Variants in AIG1 observed in about 807,000 individuals in gnomAD.
The protein encoded by AIG1 is androgen induced 1, also known as androgen-induced gene 1 protein.
AIG1 carries 23 observed loss-of-function variants against 31.4 expected under a neutral mutation model. The ratio of observed to expected loss-of-function variants is 0.73; its 90% confidence interval spans 0.53 to 1.04. The LOEUF (loss-of-function observed/expected upper bound fraction) is 1.04, where lower values mean the gene tolerates loss of function less well. AIG1 is among the 50% of genes least tolerant of loss of function. AIG1 has a pLI of 0.00. For synonymous variants in AIG1, 100 were observed against 110.5 expected (o/e 0.90, Z 0.60); for missense variants, 274 against 295.0 (o/e 0.93, Z 0.52).
At chr6:143,121,408 A>G (rs990352811) in intron 1 of AIG1, among the ~76,000 whole-genome samples, 6 of 152,232 alleles carry the variant, frequency 3.9e-5, no homozygotes, top group African/African-American at 1.4e-4. Flanking sequence ...TATATTTTTC[A>G]AAGTGCCTGA....
At chr6:143,123,115 G>A (rs1021253939) in intron 1 of AIG1, among the ~76,000 whole-genome samples, 5 of 151,994 alleles carry the variant, frequency 3.3e-5, no homozygotes, top group Admixed American at 6.6e-5. Context: ...GGGGCCCTCC[G>A]CATTTCCTGG....
intron 3 of AIG1, among the ~76,000 whole-genome samples, chr6:143,257,889 A>C (rs1405142210): frequency 2.0e-5 from 3 of 152,158 alleles, no homozygotes; most frequent in Non-Finnish European, 2.9e-5. Flanking sequence ...AAAAGTATGC[A>C]CTTGAGTGAG....
At chr6:143,304,219 C>T (rs1408154034) in intron 4 of AIG1, among the ~76,000 whole-genome samples, 2 of 151,570 alleles carry the variant, frequency 1.3e-5, no homozygotes, top group Non-Finnish European at 2.9e-5. Context: ...CCCTTTATTT[C>T]CTTCTCCTGC....
At chr6:143,115,226 G>A (rs1258579581) in intron 1 of AIG1, among the ~76,000 whole-genome samples, 2 of 152,114 alleles carry the variant, frequency 1.3e-5, no homozygotes, top group African/African-American at 2.4e-5. Flanking sequence ...TAGAATGATT[G>A]GTCAAAATGT....
intron 2 of AIG1, among the ~76,000 whole-genome samples, chr6:143,143,714 G>A (rs1191349476): frequency 1.3e-5 from 2 of 151,374 alleles, no homozygotes; most frequent in African/African-American, 4.9e-5. Context: ...AAGTACATCA[G>A]CTAGGTCATG....
intron 3 of AIG1, among the ~76,000 whole-genome samples, chr6:143,283,885 A>G (rs1237027988): frequency 6.6e-6 from 1 of 152,238 alleles, no homozygotes; most frequent in Non-Finnish European, 1.5e-5. Flanking sequence ...ATGGGCATAA[A>G]ATACAATAAA....
At chr6:143,071,946 G>A (rs958885851) in intron 1 of AIG1, among the ~76,000 whole-genome samples, 4 of 150,880 alleles carry the variant, frequency 2.7e-5, no homozygotes, top group African/African-American at 9.7e-5. Flanking sequence ...ACCGTGCCCA[G>A]ATTGTTTTTT....
In AIG1 at chr6:143,060,938, C is replaced by A. The variant is rs763119913; in HGVS notation, c.13C>A (p.Pro5Thr). The change falls in exon 1 of 6, where the codon CCC (proline) becomes ACC (threonine). Residue 5 changes from proline (P) to threonine (T), a missense_variant. Physicochemically the swap from Pro to Thr is conservative, Grantham distance 38. Transcript: ENST00000357847. MALV[P>T]CQVLRMAILL... ...GCCTCTGGCGAACATGGCGCTTGTC[C>A]CCTGCCAGGTGCTGCGGATGGCAAT... The A allele has an allele frequency of 6.2e-7, 1 of 1,610,372 alleles. No individual in the cohort carries two copies. The highest frequency in any genetic ancestry group is 1.3e-5 in the African/African-American group (1 of 74,780).
At chr6:143,161,926 A>G (rs1370939779) in intron 2 of AIG1, among the ~76,000 whole-genome samples, 1 of 152,160 alleles carries the variant, frequency 6.6e-6, no homozygotes, top group Non-Finnish European at 1.5e-5. Flanking sequence ...TCTATTCAAC[A>G]TATTGCTGCA....
chr6:143,316,412 A>G (rs534985312), intron 4 of AIG1, among the ~76,000 whole-genome samples: 2 of 152,238 alleles, frequency 1.3e-5, no homozygotes, highest in South Asian at 2.1e-4. Context: ...AGGAGGCCAA[A>G]GATAGGACAC....
At chr6:143,188,309 T>C (rs772905031) in intron 3 of AIG1, 3 of 986,070 alleles carry the variant, frequency 3.0e-6, no homozygotes, top group Non-Finnish European at 3.6e-6. Context: ...TGACACCAGT[T>C]GTTGCTATAC....
At chr6:143,273,335 A>T (rs1206539799) in intron 3 of AIG1, among the ~76,000 whole-genome samples, 2 of 152,168 alleles carry the variant, frequency 1.3e-5, no homozygotes, top group Non-Finnish European at 2.9e-5. Flanking sequence ...GAGTGCTGTG[A>T]ATGATGTTTC....
chr6:143,098,057 C>G (rs1466214077), intron 1 of AIG1, among the ~76,000 whole-genome samples: 1 of 152,186 alleles, frequency 6.6e-6, no homozygotes, highest in African/African-American at 2.4e-5. Context: ...CATCTCTCAT[C>G]TTACACGAAA....
intron 3 of AIG1, among the ~76,000 whole-genome samples, chr6:143,263,260 C>T (rs1003259610): frequency 3.2e-4 from 46 of 145,282 alleles, no homozygotes; most frequent in African/African-American, 1.2e-3. Context: ...TTTTCTATAT[C>T]CTAGTCCTTT....
At chr6:143,261,172 C>T (rs934573930) in intron 3 of AIG1, among the ~76,000 whole-genome samples, 4 of 152,126 alleles carry the variant, frequency 2.6e-5, no homozygotes, top group South Asian at 2.1e-4. Flanking sequence ...CCCTCTGTCA[C>T]TCAGGCTGGA....
intron 1 of AIG1, among the ~76,000 whole-genome samples, chr6:143,113,385 A>G (rs1781457250): frequency 1.3e-5 from 2 of 151,976 alleles, no homozygotes; most frequent in Admixed American, 1.3e-4. Flanking sequence ...TGGGCGGATC[A>G]CGAGGTCAGG....
At chr6:143,152,620 C>G (rs1413737582) in intron 2 of AIG1, among the ~76,000 whole-genome samples, 1 of 152,130 alleles carries the variant, frequency 6.6e-6, no homozygotes, top group Non-Finnish European at 1.5e-5. Flanking sequence ...GAGTTCAATT[C>G]TAAATGGATC....
At chr6:143,209,832 TG>T (rs1791446961) in intron 3 of AIG1, among the ~76,000 whole-genome samples, 2 of 152,228 alleles carry the variant, frequency 1.3e-5, no homozygotes, top group Admixed American at 1.3e-4. Flanking sequence ...GAAATTGCCT[TG>T]TTCATTAGCT....
At chr6:143,249,929 G>A (rs914787798) in intron 3 of AIG1, among the ~76,000 whole-genome samples, 1 of 152,238 alleles carries the variant, frequency 6.6e-6, no homozygotes, top group East Asian at 1.9e-4. Context: ...TTTGGATCAA[G>A]CCCTGGCTCC....
Sources: allele counts gnomAD v4.1 joint callset (sites outside exome capture counted in the v4.1 genomes callset), GRCh38; gene constraint gnomAD v4.1.1; transcripts MANE v1.5; gene names NCBI Gene and HGNC (gene_info 2026-07-23, HGNC 2026-07-21).